The following EEFSEC variants were observed in gnomAD, a reference collection of about 807,000 sequenced individuals.
EEFSEC encodes the protein selenocysteine-specific elongation factor.
In EEFSEC, 43 loss-of-function variants were observed where a neutral mutation model predicts 42.1. The observed-to-expected ratio is 1.02, with a 90% CI of 0.80 to 1.32. EEFSEC has a LOEUF of 1.32. Among genes scored for constraint, EEFSEC ranks in the 40% most tolerant of loss-of-function variants. The probability of loss-of-function intolerance (pLI) is 0.00; values close to 1 mark genes in which losing one functional copy is unlikely to be tolerated. For missense variants in EEFSEC, 745 were observed against 803.6 expected (o/e 0.93, Z 0.88); for synonymous variants, 354 against 339.1 (o/e 1.04, Z -0.48).
intron 1 of EEFSEC, among the ~76,000 whole-genome samples, chr3:128,235,490 T>C (rs1237097419): frequency 6.6e-6 from 1 of 152,184 alleles, no homozygotes. Flanking sequence ...TTCCCCCTGC[T>C]TACCTAGTTT....
chr3:128,386,187 G>T lies in EEFSEC; in HGVS notation c.1601-21882G>T, dbSNP rs540629439. Among the ~76,000 whole-genome samples the T allele has an allele frequency of 1.4e-4, 22 of 152,250 alleles. No individual in the cohort carries two copies. The East Asian group carries it at 4.2e-3, about 29-fold the overall frequency. On this transcript the variant is annotated intron_variant, in intron 6 of 6. Transcript: ENST00000254730. ...GCTGAGAAAGATTTGGGAAGTCCTG[G>T]GGGAGATTTGAGAGTTTTGATGGGT...
chr3:128,314,635 C>T (rs1349076212), intron 4 of EEFSEC, among the ~76,000 whole-genome samples: 1 of 152,232 alleles, frequency 6.6e-6, no homozygotes, highest in East Asian at 1.9e-4. Flanking sequence ...TCAGCCATTG[C>T]TCCCAGCCTG....
intron 2 of EEFSEC, among the ~76,000 whole-genome samples, chr3:128,252,646 AATTT>A (rs34826932): frequency 0.14 from 20,896 of 152,106 alleles, 1,586 homozygotes; most frequent in Admixed American, 0.2. Context: ...CCAAAGGTAA[AATTT>A]ATTTATACTC....
At chr3:128,355,284 C>T (rs1250167519) in intron 5 of EEFSEC, among the ~76,000 whole-genome samples, 4 of 152,100 alleles carry the variant, frequency 2.6e-5, no homozygotes. Flanking sequence ...GGGATCTTGG[C>T]CTCAGTCCTG....
chr3:128,341,196 G>A (rs980700138), intron 4 of EEFSEC, 37 bp from the exon 5 acceptor site: 2 of 1,561,024 alleles, frequency 1.3e-6, no homozygotes, highest in African/African-American at 1.4e-5. Flanking sequence ...CCCGAGGCTT[G>A]TTGGTTTCAT....
chr3:128,280,438 G>A (rs921916010), intron 4 of EEFSEC, among the ~76,000 whole-genome samples: 2 of 152,190 alleles, frequency 1.3e-5, no homozygotes, highest in Non-Finnish European at 2.9e-5. Context: ...GCCCTCACTC[G>A]GCTTTGGCCT....
chr3:128,186,684 A>G (rs1288590784), intron 1 of EEFSEC, among the ~76,000 whole-genome samples: 3 of 152,150 alleles, frequency 2.0e-5, no homozygotes, highest in Admixed American at 1.3e-4. Flanking sequence ...TGTTCCCTCT[A>G]TTGATTTGTG....
intron 1 of EEFSEC, among the ~76,000 whole-genome samples, chr3:128,158,212 T>G (rs937405367): frequency 6.6e-6 from 1 of 152,202 alleles, no homozygotes; most frequent in Non-Finnish European, 1.5e-5. Context: ...AGGAGTTGCT[T>G]CTTGTGCATG....
At chr3:128,394,715 G>A (rs543672802) in intron 6 of EEFSEC, among the ~76,000 whole-genome samples, 1 of 152,172 alleles carries the variant, frequency 6.6e-6, no homozygotes, top group South Asian at 2.1e-4. Context: ...CCAATGGCCA[G>A]CCTTGGGGGG....
At chr3:128,235,903 AG>A (rs2066004252) in intron 1 of EEFSEC, among the ~76,000 whole-genome samples, 1 of 152,210 alleles carries the variant, frequency 6.6e-6, no homozygotes, top group Non-Finnish European at 1.5e-5. Context: ...CCCCAGTGAC[AG>A]GCAGGACTAT....
intron 6 of EEFSEC, among the ~76,000 whole-genome samples, chr3:128,401,988 T>G (rs1378500016): frequency 6.6e-6 from 1 of 152,024 alleles, no homozygotes; most frequent in Non-Finnish European, 1.5e-5. Flanking sequence ...TTTCTGGCCC[T>G]CCCTCCCCTC....
chr3:128,277,636 G>A (rs1375958104), intron 4 of EEFSEC, among the ~76,000 whole-genome samples: 1 of 152,226 alleles, frequency 6.6e-6, no homozygotes, highest in Admixed American at 6.5e-5. Context: ...TGTGGTGTTT[G>A]TGAAGCTATC....
At chr3:128,319,333 A>G (rs2066982446) in intron 4 of EEFSEC, among the ~76,000 whole-genome samples, 1 of 152,196 alleles carries the variant, frequency 6.6e-6, no homozygotes, top group Non-Finnish European at 1.5e-5. Flanking sequence ...CCCTCATTTT[A>G]ATTTGCAAAA....
chr3:128,417,762 G>A, the EEFSEC span, among the ~76,000 whole-genome samples: 2 of 152,102 alleles, frequency 1.3e-5, no homozygotes, highest in Non-Finnish European at 2.9e-5. The surrounding 1 kb of genome is among the most constrained non-coding windows in gnomAD (Gnocchi z 4.3). Flanking sequence ...TGCCGTAACT[G>A]TTACTGGCCA....
In EEFSEC at chr3:128,310,123, C is replaced by A. The variant is rs544196609; in HGVS notation, c.787-31110C>A. On this transcript the variant is annotated intron_variant, in intron 4 of 6. Transcript: ENST00000254730. ...GGAGAAAAGCAGGTGTCACCATTAT[C>A]ATCTGGATGCCCTTTGGCCACAGCA... Among the ~76,000 whole-genome samples the A allele has an allele frequency of 3.3e-5, 5 of 152,340 alleles. No individual in the cohort carries two copies. In the South Asian group the frequency reaches 1.0e-3, roughly 32 times the overall value.
Position 128,408,434 on chromosome 3 carries a change from C to T in EEFSEC, c.*175C>T. The T allele has an allele frequency of 1.5e-6, 1 of 660,736 alleles. No homozygotes were observed. 40.9% of individuals were successfully genotyped at this position (660,736 alleles called of 1,614,324 possible). On this transcript the variant is annotated 3_prime_UTR_variant, in exon 7 of 7. Coordinates refer to ENST00000254730, the MANE Select transcript of EEFSEC (RefSeq NM_021937.5). ...GTGAGGAGCTGAGGGGGATGGGTTG[C>T]TGGGGCCAGGAGGGTCTCTCCTCCA...
At chr3:128,283,849 G>A (rs964138120) in intron 4 of EEFSEC, among the ~76,000 whole-genome samples, 7 of 152,164 alleles carry the variant, frequency 4.6e-5, no homozygotes, top group Non-Finnish European at 8.8e-5. Flanking sequence ...CTGGGGAACT[G>A]GGGGAAGCTA....
chr3:128,328,362 C>T (rs1242194761), intron 4 of EEFSEC, among the ~76,000 whole-genome samples: 1 of 152,162 alleles, frequency 6.6e-6, no homozygotes, highest in African/African-American at 2.4e-5. Context: ...ATGCCTCAAG[C>T]CACATGCGCC....
chr3:128,183,173 A>G (rs1188715063), intron 1 of EEFSEC, among the ~76,000 whole-genome samples: 2 of 152,224 alleles, frequency 1.3e-5, no homozygotes, highest in African/African-American at 4.8e-5. Flanking sequence ...CTTCGAGAAC[A>G]TAGAATAAAT....
Sources: allele counts gnomAD v4.1 joint callset (sites outside exome capture counted in the v4.1 genomes callset), GRCh38; gene constraint gnomAD v4.1.1; non-coding constraint Gnocchi (gnomAD v3.1); transcripts MANE v1.5; gene names NCBI Gene and HGNC (gene_info 2026-07-23, HGNC 2026-07-21).